LSAMP: variants seen among roughly 807,000 people sequenced by gnomAD.
LSAMP encodes the protein limbic system-associated membrane protein.
In LSAMP, 7 loss-of-function variants were observed where a neutral mutation model predicts 38.6. The observed-to-expected ratio is 0.18, with a 90% CI of 0.10 to 0.34. The LOEUF (loss-of-function observed/expected upper bound fraction) is 0.34. Ranked by LOEUF, LSAMP falls within the 10% of genes least tolerant of loss-of-function variation. The probability of loss-of-function intolerance (pLI) is 1.00; values close to 1 mark genes in which losing one functional copy is unlikely to be tolerated. For missense variants in LSAMP, 313 were observed against 420.0 expected (o/e 0.75, Z 2.23); for synonymous variants, 154 against 166.8 (o/e 0.92, Z 0.59).
intron 1 of LSAMP, among the ~76,000 whole-genome samples, chr3:116,240,673 T>A (rs557500726): frequency 1.3e-5 from 2 of 152,340 alleles, no homozygotes; most frequent in South Asian, 4.1e-4. Context: ...CTCATGTCCA[T>A]GGACTGTTGG....
rs1249008120 is a variant in LSAMP at position 116,414,155 on chromosome 3, A to G, written c.155+30722T>C. On this transcript the variant is annotated intron_variant, in intron 1 of 6. Coordinates refer to ENST00000490035, the MANE Select transcript of LSAMP (RefSeq NM_002338.5). ...ATTACACCAACTTTCATTTTGGGGAATTTATATTTTTGGAGGGTAAATTTT... is the reference window on the plus strand; with the variant it reads ...ATTACACCAACTTTCATTTTGGGGAGTTTATATTTTTGGAGGGTAAATTTT... Among the ~76,000 whole-genome samples, 3 of 152,168 alleles carry G rather than the reference A, an allele frequency of 2.0e-5. No homozygotes were observed. In the East Asian group the frequency reaches 5.8e-4, roughly 29 times the overall value.
At chr3:115,971,879 A>T (rs1352211496) in intron 3 of LSAMP, among the ~76,000 whole-genome samples, 1 of 152,158 alleles carries the variant, frequency 6.6e-6, no homozygotes, top group Non-Finnish European at 1.5e-5. Flanking sequence ...ATAGCTTCTG[A>T]TAAAGTAGAT....
At chr3:115,969,364 G>A (rs1226193697) in intron 3 of LSAMP, among the ~76,000 whole-genome samples, 1 of 152,176 alleles carries the variant, frequency 6.6e-6, no homozygotes, top group Non-Finnish European at 1.5e-5. Context: ...AGCATTTAGA[G>A]TTTGGTATGT....
intron 3 of LSAMP, among the ~76,000 whole-genome samples, chr3:116,011,396 C>T (rs909294501): frequency 6.6e-6 from 1 of 151,938 alleles, no homozygotes; most frequent in Non-Finnish European, 1.5e-5. Flanking sequence ...AAGTAGAAAG[C>T]CAGAATTGTG....
At chr3:115,931,478 G>A (rs757323748) in intron 3 of LSAMP, among the ~76,000 whole-genome samples, 11 of 152,130 alleles carry the variant, frequency 7.2e-5, no homozygotes, top group Non-Finnish European at 1.6e-4. Flanking sequence ...GGATCAAAGT[G>A]GCTCTTATTC....
intron 3 of LSAMP, among the ~76,000 whole-genome samples, chr3:116,004,038 CTG>C (rs757653689): frequency 3.9e-5 from 6 of 152,134 alleles, no homozygotes; most frequent in Non-Finnish European, 7.4e-5. Context: ...CTGAGAAAAA[CTG>C]TGTGATTAAT....
At chr3:115,920,509 C>T (rs1385075757) in intron 3 of LSAMP, among the ~76,000 whole-genome samples, 1 of 152,082 alleles carries the variant, frequency 6.6e-6, no homozygotes, top group African/African-American at 2.4e-5. Flanking sequence ...ATGTCTTCTT[C>T]AGAGAAATGT....
At chr3:115,995,429 C>T (rs990562903) in intron 3 of LSAMP, among the ~76,000 whole-genome samples, 36 of 152,210 alleles carry the variant, frequency 2.4e-4, no homozygotes, top group African/African-American at 8.7e-4. Flanking sequence ...ATAGAAGCCA[C>T]TCAGGGAATA....
At chr3:116,379,000 C>T (rs1218619690) in intron 1 of LSAMP, among the ~76,000 whole-genome samples, 5 of 143,136 alleles carry the variant, frequency 3.5e-5, no homozygotes, top group Non-Finnish European at 6.0e-5. Flanking sequence ...CACACACACA[C>T]ACACACACAC....
At chr3:116,133,259 TTTG>T (rs1041068088) in intron 1 of LSAMP, among the ~76,000 whole-genome samples, 7 of 151,640 alleles carry the variant, frequency 4.6e-5, no homozygotes, top group South Asian at 4.2e-4. Context: ...TCCTTTTTTT[TTTG>T]TTGTTGTTGT....
At chr3:116,228,498 C>T (rs534286938) in intron 1 of LSAMP, among the ~76,000 whole-genome samples, 5 of 151,976 alleles carry the variant, frequency 3.3e-5, no homozygotes, top group East Asian at 1.9e-4. Flanking sequence ...TGAGGGTATA[C>T]GTAACATAGT....
At chr3:115,871,392 G>C (rs559731805) in intron 3 of LSAMP, among the ~76,000 whole-genome samples, 1 of 152,190 alleles carries the variant, frequency 6.6e-6, no homozygotes, top group South Asian at 2.1e-4. Context: ...TCCTTAGACA[G>C]GTGTATTCCT....
chr3:115,826,004 T>C (rs1934394876), intron 6 of LSAMP, among the ~76,000 whole-genome samples: 1 of 152,202 alleles, frequency 6.6e-6, no homozygotes, highest in South Asian at 2.1e-4. Flanking sequence ...TTTATTAGGC[T>C]TTATAGTGGA....
intron 1 of LSAMP, among the ~76,000 whole-genome samples, chr3:116,122,189 ATATAT>A (rs1393143293): frequency 6.6e-6 from 1 of 152,226 alleles, no homozygotes; most frequent in African/African-American, 2.4e-5. Context: ...TAATTTAGAA[ATATAT>A]TTAATAAGCT....
At chr3:116,300,725 C>T (rs1385732589) in intron 1 of LSAMP, among the ~76,000 whole-genome samples, 1 of 152,102 alleles carries the variant, frequency 6.6e-6, no homozygotes, top group Non-Finnish European at 1.5e-5. Flanking sequence ...CTCCCCCTAC[C>T]CCAGTTTGTG....
intron 1 of LSAMP, among the ~76,000 whole-genome samples, chr3:116,108,783 C>T (rs1302381307): frequency 6.6e-6 from 1 of 152,216 alleles, no homozygotes; most frequent in Non-Finnish European, 1.5e-5. Context: ...TTGTAGCAAG[C>T]TCCTGGGGGA....
intron 6 of LSAMP, among the ~76,000 whole-genome samples, chr3:115,837,235 G>T (rs1420534063): frequency 6.6e-6 from 1 of 151,912 alleles, no homozygotes; most frequent in Non-Finnish European, 1.5e-5. Context: ...ATATTTTAAA[G>T]TTTAAAAAGA....
intron 1 of LSAMP, among the ~76,000 whole-genome samples, chr3:116,104,493 G>T (rs1328714503): frequency 6.6e-6 from 1 of 151,848 alleles, no homozygotes; most frequent in Non-Finnish European, 1.5e-5. Flanking sequence ...TCATCGGGGA[G>T]AAATCTAATA....
chr3:116,415,744 A>G (rs1171797219), intron 1 of LSAMP, among the ~76,000 whole-genome samples: 1 of 152,126 alleles, frequency 6.6e-6, no homozygotes, highest in Non-Finnish European at 1.5e-5. Flanking sequence ...TTCATGCTGG[A>G]TTGTAATGCT....
Sources: gnomAD v4.1 joint callset for allele counts (sites outside exome capture counted in the v4.1 genomes callset) on GRCh38, gnomAD v4.1.1 for gene constraint, MANE v1.5 for transcripts, NCBI Gene and HGNC (gene_info 2026-07-23, HGNC 2026-07-21) for gene names.